MCTP1: variants seen among roughly 807,000 people sequenced by gnomAD.
MCTP1 encodes the protein multiple C2 and transmembrane domain containing 1, also known as multiple C2 and transmembrane domain-containing protein 1.
Under a neutral mutation model 120.6 loss-of-function variants are expected in MCTP1, and 69 were observed. The ratio of observed to expected loss-of-function variants is 0.57; its 90% confidence interval spans 0.47 to 0.70. MCTP1 has a LOEUF of 0.70. Among genes scored for constraint, MCTP1 ranks in the 30% least tolerant of loss-of-function variants. The pLI is 0.00. For synonymous variants in MCTP1, 529 were observed against 493.1 expected, an observed-to-expected ratio of 1.07 and a Z score of -0.96; for missense variants, 1,203 against 1,248.8, an observed-to-expected ratio of 0.96 and a Z score of 0.55.
chr5:94,902,476 C>T (rs1393448936), intron 10 of MCTP1, among the ~76,000 whole-genome samples: 10 of 152,082 alleles, frequency 6.6e-5, no homozygotes, highest in Admixed American at 6.5e-4. Flanking sequence ...ACATAAAACA[C>T]TCAGAATGGG....
At chr5:95,250,297 G>A (rs958504849) in intron 1 of MCTP1, among the ~76,000 whole-genome samples, 3 of 152,146 alleles carry the variant, frequency 2.0e-5, no homozygotes, top group Non-Finnish European at 1.5e-5. Context: ...ACTCTGCATC[G>A]CCCCATGGGA....
chr5:94,958,197 A>G (rs1055031900), intron 2 of MCTP1, among the ~76,000 whole-genome samples: 1 of 152,230 alleles, frequency 6.6e-6, no homozygotes, highest in African/African-American at 2.4e-5. Flanking sequence ...TAGGGCAGAA[A>G]TAAATAAGTT....
intron 1 of MCTP1, among the ~76,000 whole-genome samples, chr5:95,263,795 A>G (rs1449528563): frequency 2.0e-5 from 3 of 152,170 alleles, no homozygotes; most frequent in African/African-American, 7.2e-5. Flanking sequence ...CCAGATTTAC[A>G]GAAAAGAAAT....
At chr5:95,174,066 T>C (rs936147225) in intron 1 of MCTP1, among the ~76,000 whole-genome samples, 3 of 151,966 alleles carry the variant, frequency 2.0e-5, no homozygotes, top group African/African-American at 7.3e-5. Context: ...CAATATCAAA[T>C]TGGCTCCATG....
chr5:95,264,017 G>T lies in MCTP1; in HGVS notation c.720+19839C>A, dbSNP rs76492126. Among the ~76,000 whole-genome samples, 155 of 152,274 alleles carry T rather than the reference G, an allele frequency of 1.0e-3. 1 individual carries two copies. In the East Asian group the frequency reaches 0.028, roughly 28 times the overall value. ...CATCTTCTTGCAAAGTGTGATGACAGGGACAGTAAAAGAAGCTGAGGCAGC... is the reference window on the plus strand; with the variant it reads ...CATCTTCTTGCAAAGTGTGATGACATGGACAGTAAAAGAAGCTGAGGCAGC... On this transcript the variant is annotated intron_variant, in intron 1 of 22. Coordinates refer to ENST00000515393, the MANE Select transcript of MCTP1 (RefSeq NM_024717.7).
chr5:95,114,338 A>C (rs2347482), intron 1 of MCTP1, among the ~76,000 whole-genome samples: 12,424 of 152,290 alleles, frequency 0.082, 813 homozygotes, highest in African/African-American at 0.18. Context: ...ACAGAGCACC[A>C]AGCAGGCTAT....
chr5:95,062,817 T>C (rs201367596), intron 1 of MCTP1, among the ~76,000 whole-genome samples: 5 of 151,596 alleles, frequency 3.3e-5, no homozygotes, highest in Admixed American at 2.0e-4. Flanking sequence ...TTTGTTTTTT[T>C]TGTTGTTTTG....
intron 1 of MCTP1, among the ~76,000 whole-genome samples, chr5:95,111,864 C>A (rs1757481110): frequency 6.6e-6 from 1 of 152,060 alleles, no homozygotes; most frequent in Admixed American, 6.6e-5. Flanking sequence ...TAATGTCTCT[C>A]CCTTTATCTG....
chr5:94,711,019 G>T, intron 20 of MCTP1, 92 bp from the exon 21 acceptor site: 1 of 857,294 alleles, frequency 1.2e-6, no homozygotes, highest in Non-Finnish European at 1.9e-6. Context: ...GACCTAGTTA[G>T]TCTGCATTTC....
chr5:95,050,442 G>T (rs1386596624), intron 1 of MCTP1, among the ~76,000 whole-genome samples: 1 of 152,158 alleles, frequency 6.6e-6, no homozygotes, highest in African/African-American at 2.4e-5. Flanking sequence ...CCTGGATGGG[G>T]CTGTGGGGAT....
chr5:94,916,119 C>T (rs1264091494), intron 8 of MCTP1, among the ~76,000 whole-genome samples: 1 of 152,102 alleles, frequency 6.6e-6, no homozygotes, highest in Non-Finnish European at 1.5e-5. Context: ...CAAAGAAACT[C>T]CATAATTCAA....
intron 1 of MCTP1, among the ~76,000 whole-genome samples, chr5:95,171,133 T>A (rs1173136223): frequency 6.6e-6 from 1 of 152,232 alleles, no homozygotes; most frequent in Non-Finnish European, 1.5e-5. Flanking sequence ...CAGCATTTGC[T>A]TCTCTGTAAA....
chr5:95,028,492 G>A (rs1290531364), intron 1 of MCTP1, among the ~76,000 whole-genome samples: 1 of 151,986 alleles, frequency 6.6e-6, no homozygotes, highest in Non-Finnish European at 1.5e-5. Flanking sequence ...GAAATTCAGT[G>A]CTCCCAGAAT....
intron 1 of MCTP1, among the ~76,000 whole-genome samples, chr5:95,163,067 G>A (rs1435011059): frequency 6.6e-6 from 1 of 152,002 alleles, no homozygotes; most frequent in Non-Finnish European, 1.5e-5. Flanking sequence ...ATCAAAATTT[G>A]TCTTCTTTGT....
At chr5:95,157,769 CTG>C (rs1383912798) in intron 1 of MCTP1, among the ~76,000 whole-genome samples, 1 of 152,214 alleles carries the variant, frequency 6.6e-6, no homozygotes, top group Admixed American at 6.5e-5. Context: ...GATCAGCAAA[CTG>C]TGGCTCACGG....
chr5:95,215,560 A>T (rs1271637961), intron 1 of MCTP1, among the ~76,000 whole-genome samples: 2 of 151,854 alleles, frequency 1.3e-5, no homozygotes, highest in Non-Finnish European at 2.9e-5. Flanking sequence ...ACTCAGCTTT[A>T]TTTTCCTCCT....
intron 19 of MCTP1, among the ~76,000 whole-genome samples, chr5:94,768,931 TCC>T (rs889051436): frequency 2.0e-5 from 3 of 152,086 alleles, no homozygotes; most frequent in African/African-American, 7.2e-5. Flanking sequence ...GATTTCTGAA[TCC>T]CCATATTCAT....
intron 19 of MCTP1, among the ~76,000 whole-genome samples, chr5:94,745,793 T>C (rs562823009): frequency 2.0e-5 from 3 of 152,168 alleles, no homozygotes; most frequent in Non-Finnish European, 4.4e-5. Context: ...ATTCTAGTAG[T>C]AGATTAGGTA....
intron 19 of MCTP1, among the ~76,000 whole-genome samples, chr5:94,716,427 A>G (rs1432660916): frequency 6.6e-6 from 1 of 152,122 alleles, no homozygotes; most frequent in Non-Finnish European, 1.5e-5. Flanking sequence ...CACCTATACA[A>G]TTGTGCACGT....
Sources: allele counts gnomAD v4.1 joint callset (sites outside exome capture counted in the v4.1 genomes callset), GRCh38; gene constraint gnomAD v4.1.1; transcripts MANE v1.5; gene names NCBI Gene and HGNC (gene_info 2026-07-23, HGNC 2026-07-21).